ASAP1: variants seen among roughly 807,000 people sequenced by gnomAD.
ASAP1 encodes arf-GAP with SH3 domain, ANK repeat and PH domain-containing protein 1.
Under a neutral mutation model 145.2 loss-of-function variants are expected in ASAP1, and 43 were observed. That is an observed-to-expected ratio of 0.30 (90% CI 0.23 to 0.38). The LOEUF (loss-of-function observed/expected upper bound fraction) is 0.38. ASAP1 is among the 10% of genes least tolerant of loss of function. ASAP1 has a pLI of 1.00. For missense variants in ASAP1, 1,018 were observed against 1,355.3 expected (o/e 0.75, Z 3.91); for synonymous variants, 546 against 515.5 (o/e 1.06, Z -0.80).
At chr8:130,234,115 G>C (rs1167349871) in intron 4 of ASAP1, among the ~76,000 whole-genome samples, 1 of 152,138 alleles carries the variant, frequency 6.6e-6, no homozygotes, top group Non-Finnish European at 1.5e-5. Context: ...CTCCAAGAGA[G>C]ATGGTTAGTA....
chr8:130,312,721 T>A (rs1430324874), intron 3 of ASAP1, among the ~76,000 whole-genome samples: 1 of 152,198 alleles, frequency 6.6e-6, no homozygotes, highest in Non-Finnish European at 1.5e-5. Flanking sequence ...TCTGAACTGA[T>A]CTTTCTGATT....
chr8:130,384,015 G>C (rs996092497), intron 2 of ASAP1, among the ~76,000 whole-genome samples: 1 of 152,174 alleles, frequency 6.6e-6, no homozygotes, highest in African/African-American at 2.4e-5. Context: ...TTGTAACGCA[G>C]GTCACACTCA....
At chr8:130,106,846 A>T (rs1202373031) in intron 24 of ASAP1, among the ~76,000 whole-genome samples, 1 of 152,258 alleles carries the variant, frequency 6.6e-6, no homozygotes. Context: ...AATACTCCCT[A>T]GTGGCCCCAG....
chr8:130,300,533 C>T (rs1822599368), intron 3 of ASAP1, among the ~76,000 whole-genome samples: 1 of 152,114 alleles, frequency 6.6e-6, no homozygotes, highest in African/African-American at 2.4e-5. Context: ...CCCAGAGTTT[C>T]TGATTTAATT....
intron 5 of ASAP1, among the ~76,000 whole-genome samples, chr8:130,190,340 G>A (rs1224655581): frequency 6.6e-6 from 1 of 152,080 alleles, no homozygotes; most frequent in Non-Finnish European, 1.5e-5. Flanking sequence ...TATGGTGAGA[G>A]ATAGGGTCTA....
chr8:130,396,821 G>A (rs570299988), intron 2 of ASAP1, among the ~76,000 whole-genome samples: 3 of 152,324 alleles, frequency 2.0e-5, no homozygotes, highest in South Asian at 4.1e-4. Flanking sequence ...CATTTGGAAA[G>A]GCAAAAGAGG....
intron 1 of ASAP1, among the ~76,000 whole-genome samples, chr8:130,414,567 G>A (rs907835933): frequency 7.9e-5 from 12 of 152,198 alleles, no homozygotes; most frequent in African/African-American, 2.9e-4. Flanking sequence ...TGTGAATCAG[G>A]CCTTGTGATT....
At chr8:130,088,777 G>A (rs2097499389) in intron 25 of ASAP1, among the ~76,000 whole-genome samples, 1 of 152,196 alleles carries the variant, frequency 6.6e-6, no homozygotes, top group Non-Finnish European at 1.5e-5. Context: ...AATGGTAACA[G>A]TAGCTATCAT....
chr8:130,373,586 C>T (rs1332550278), intron 2 of ASAP1, among the ~76,000 whole-genome samples: 4 of 152,144 alleles, frequency 2.6e-5, no homozygotes, highest in East Asian at 1.9e-4. Context: ...CAGTGGCTCA[C>T]GCCTGTTATC....
chr8:130,333,960 T>C (rs1824868886), intron 3 of ASAP1, among the ~76,000 whole-genome samples: 1 of 152,162 alleles, frequency 6.6e-6, no homozygotes, highest in African/African-American at 2.4e-5. Context: ...CTGCAAGGAC[T>C]GGGCTGCCAA....
chr8:130,397,894 C>T (rs1828607479), intron 2 of ASAP1, among the ~76,000 whole-genome samples: 1 of 152,232 alleles, frequency 6.6e-6, no homozygotes, highest in African/African-American at 2.4e-5. Context: ...ATAAGAAGCC[C>T]CATGAGGGCA....
At chr8:130,220,855 A>C (rs1817250498) in intron 4 of ASAP1, among the ~76,000 whole-genome samples, 2 of 152,174 alleles carry the variant, frequency 1.3e-5, no homozygotes, top group South Asian at 4.1e-4. Flanking sequence ...AGTATGAGTA[A>C]AGTGCAGAGT....
At chr8:130,147,179 C>T (rs943992768) in intron 13 of ASAP1, among the ~76,000 whole-genome samples, 1 of 117,496 alleles carries the variant, frequency 8.5e-6, no homozygotes, top group Non-Finnish European at 1.6e-5. Context: ...CCACTGCACT[C>T]CAAAGGGAAA....
intron 15 of ASAP1, among the ~76,000 whole-genome samples, chr8:130,130,952 C>T (rs921867442): frequency 2.0e-5 from 3 of 151,970 alleles, no homozygotes; most frequent in East Asian, 1.9e-4. Context: ...GTCAGGAGAT[C>T]GAGACCATCC....
intron 5 of ASAP1, among the ~76,000 whole-genome samples, chr8:130,209,766 T>G (rs1261017897): frequency 1.3e-5 from 2 of 151,746 alleles, no homozygotes; most frequent in African/African-American, 4.8e-5. Context: ...CAAGTTGAAC[T>G]AACTGGCATT....
At chr8:130,121,502 C>T (rs2097565798) in intron 18 of ASAP1, among the ~76,000 whole-genome samples, 1 of 152,138 alleles carries the variant, frequency 6.6e-6, no homozygotes, top group Admixed American at 6.5e-5. Flanking sequence ...GTTTAAGAGG[C>T]TGGGTGCAGT....
intron 4 of ASAP1, among the ~76,000 whole-genome samples, chr8:130,228,142 G>T (rs1053968677): frequency 7.2e-5 from 11 of 152,098 alleles, no homozygotes; most frequent in Non-Finnish European, 2.9e-5. Context: ...GAAAAACCAA[G>T]GTCCTGAGAA....
At chr8:130,094,080 G>C (rs182676425) in intron 24 of ASAP1, among the ~76,000 whole-genome samples, 1 of 152,248 alleles carries the variant, frequency 6.6e-6, no homozygotes, top group Admixed American at 6.5e-5. Context: ...AGTCACAGCA[G>C]TTTTCAGAAA....
Position 130,076,332 on chromosome 8 carries a change from A to G in ASAP1, c.2701+16T>C. On this transcript the variant is annotated intron_variant, in intron 27 of 29. Coordinates refer to ENST00000518721, the MANE Select transcript of ASAP1 (RefSeq NM_018482.4). ...ACACTTTAATTACATGTAAATGTAA[A>G]AATGATAGATCTTACCTTTCTGAGG... 6.3e-7 allele frequency: 1 copy of G among 1,599,552 alleles called. No individual in the cohort carries two copies. Among genetic ancestry groups the G allele is most frequent in the Non-Finnish European group, 8.5e-7 (1 of 1,171,156 alleles).
Sources: allele counts gnomAD v4.1 joint callset (sites outside exome capture counted in the v4.1 genomes callset), GRCh38; gene constraint gnomAD v4.1.1; transcripts MANE v1.5; gene names NCBI Gene and HGNC (gene_info 2026-07-23, HGNC 2026-07-21).